The following EIF3E variants were observed in gnomAD, a reference collection of about 807,000 sequenced individuals.
EIF3E encodes the protein eIF-3 p48.
A neutral mutation model predicts 59.3 loss-of-function variants in EIF3E; 25 were observed. That is an observed-to-expected ratio of 0.42 (90% CI 0.31 to 0.59). The LOEUF is 0.59. Ranked by LOEUF, EIF3E falls within the 20% of genes least tolerant of loss-of-function variation. EIF3E has a pLI of 0.15. For synonymous variants in EIF3E, 176 were observed against 170.2 expected (o/e 1.03, Z -0.26); for missense variants, 317 against 534.3 (o/e 0.59, Z 4.01).
chr8:108,241,725 T>C (rs1213580277), intron 2 of EIF3E, 74 bp downstream of exon 2: 1 of 873,672 alleles, frequency 1.1e-6, no homozygotes, highest in East Asian at 2.7e-5. Flanking sequence ...TAAAGCTGTC[T>C]TATAAATCAT....
chr8:108,235,464 A>G (rs1034587521), intron 4 of EIF3E, among the ~76,000 whole-genome samples: 1 of 152,224 alleles, frequency 6.6e-6, no homozygotes, highest in African/African-American at 2.4e-5. Flanking sequence ...TCGTGCTCCT[A>G]TGAAAATCTA....
intron 7 of EIF3E, among the ~76,000 whole-genome samples, chr8:108,220,654 C>T (rs2129875898): frequency 6.6e-6 from 1 of 152,344 alleles, no homozygotes; most frequent in East Asian, 1.9e-4. Flanking sequence ...CAGAGCCATT[C>T]AGTGTTTGAT....
chr8:108,217,394 T>C lies in EIF3E; in HGVS notation c.789A>G (p.Thr263=), dbSNP rs1211701462. Residue 263 remains threonine, a synonymous_variant, in exon 8 of 13, where the codon ACA becomes ACG. Transcript: ENST00000220849. ...GCCGACGTTTTCGAACATCCTTGTT[T>C]GTTATGACTGCTGTAGTCAAATAGC... is the stretch of plus-strand genomic sequence containing the variant. ...ILRYLTTAVI[T]NKDVRKRRQV... 1 of 1,602,938 alleles carries C rather than the reference T, an allele frequency of 6.2e-7. No individual in the cohort carries two copies. The highest frequency in any genetic ancestry group is 8.5e-7 in the Non-Finnish European group (1 of 1,174,652).
intron 7 of EIF3E, among the ~76,000 whole-genome samples, chr8:108,220,175 A>T (rs1214938212): frequency 6.6e-6 from 1 of 152,160 alleles, no homozygotes; most frequent in Non-Finnish European, 1.5e-5. Context: ...ATGTAAAAAC[A>T]TGCACAGGCA....
At chr8:108,246,282 TG>T (rs1297236751) in intron 1 of EIF3E, among the ~76,000 whole-genome samples, 3 of 34,034 alleles carry the variant, frequency 8.8e-5, no homozygotes, top group Admixed American at 6.3e-4. Flanking sequence ...GCTAAGGGGG[TG>T]TGGGGGGGGG....
At chr8:108,205,698 A>G (rs1378213089) in intron 10 of EIF3E, among the ~76,000 whole-genome samples, 1 of 152,210 alleles carries the variant, frequency 6.6e-6, no homozygotes, top group Non-Finnish European at 1.5e-5. Flanking sequence ...TCGACACTGT[A>G]TACGCTACCC....
intron 1 of EIF3E, among the ~76,000 whole-genome samples, chr8:108,246,782 T>C (rs890689161): frequency 6.6e-6 from 1 of 152,218 alleles, no homozygotes; most frequent in Non-Finnish European, 1.5e-5. Context: ...CATGATGATG[T>C]ACTTCCACTT....
At chr8:108,242,795 G>A (rs763350299) in intron 1 of EIF3E, 6 of 427,100 alleles carry the variant, frequency 1.4e-5, no homozygotes, top group Non-Finnish European at 1.9e-5. Context: ...ACATGAAAAG[G>A]TTCTCAACGT....
At chr8:108,243,777 T>C (rs960711085) in intron 1 of EIF3E, among the ~76,000 whole-genome samples, 2 of 152,278 alleles carry the variant, frequency 1.3e-5, no homozygotes, top group Non-Finnish European at 2.9e-5. Flanking sequence ...TGTACTTGTA[T>C]GAATGAACGT....
chr8:108,205,592 A>G (rs941126037), intron 10 of EIF3E, among the ~76,000 whole-genome samples: 4 of 152,198 alleles, frequency 2.6e-5, no homozygotes, highest in Non-Finnish European at 5.9e-5. Flanking sequence ...AACAATTGAT[A>G]AGCTTTAAAT....
chr8:108,214,129 C>T (rs1451862643), intron 10 of EIF3E, among the ~76,000 whole-genome samples: 1 of 152,050 alleles, frequency 6.6e-6, no homozygotes, highest in Non-Finnish European at 1.5e-5. Flanking sequence ...ATAATTTTTC[C>T]ATCTTTCAAC....
At position 108,236,195 on chromosome 8, in the gene EIF3E, C is replaced by T. The variant is rs1346006285; in HGVS notation, c.332G>A (p.Arg111Lys). Residue 111 changes from arginine to lysine, a missense_variant, in exon 4 of 13, where the codon AGG (arginine) becomes AAG (lysine). Coordinates refer to ENST00000220849, the MANE Select transcript of EIF3E (RefSeq NM_001568.3). ...GTCCGCCAGGTAGTCAAAGAGCATC[C>T]TACCATCCCTAAATAATAAAAAACA... ...TRQMQSTRDG[R>K]MLFDYLADKH... 6.2e-7 allele frequency: 1 copy of T among 1,609,712 alleles called. No individual in the cohort carries two copies. The highest frequency in any genetic ancestry group is 1.3e-5 in the African/African-American group (1 of 74,722).
intron 5 of EIF3E, among the ~76,000 whole-genome samples, chr8:108,229,630 CA>C (rs1391975778): frequency 6.6e-6 from 1 of 151,910 alleles, no homozygotes; most frequent in Admixed American, 6.6e-5. Flanking sequence ...TGTACAGAAC[CA>C]AAAAATATTT....
chr8:108,217,223 C>T, intron 8 of EIF3E, 111 bp downstream of exon 8: 1 of 842,510 alleles, frequency 1.2e-6, no homozygotes, highest in Non-Finnish European at 1.7e-6. Flanking sequence ...TTCCTTCCAC[C>T]TATTTTTAAA....
rs1350287800 is a variant in EIF3E at position 108,214,718 on chromosome 8, T to A, written c.952-2A>T. The A allele has an allele frequency of 4.4e-6, 7 of 1,601,594 alleles. No homozygotes were observed. Among genetic ancestry groups the A allele is most frequent in the Non-Finnish European group, 5.9e-6 (7 of 1,177,332 alleles). Reference sequence around the variant, plus strand: ...CAAGAAGAAGTCATTCACAAGCACCTATATGTACAAATACAACAAAAATTA... The same window carrying A: ...CAAGAAGAAGTCATTCACAAGCACCAATATGTACAAATACAACAAAAATTA... On this transcript the variant is annotated splice_acceptor_variant, in intron 9 of 12. Transcript: ENST00000220849. LOFTEE classifies it high-confidence loss of function.
intron 9 of EIF3E, among the ~76,000 whole-genome samples, 199 bp downstream of exon 9, chr8:108,216,213 C>T (rs1393276189): frequency 6.6e-6 from 1 of 152,172 alleles, no homozygotes; most frequent in African/African-American, 2.4e-5. Context: ...AGCACATTCC[C>T]ATTTTAAGAT....
intron 3 of EIF3E, among the ~76,000 whole-genome samples, chr8:108,238,096 A>G (rs1226576369): frequency 6.6e-6 from 1 of 152,214 alleles, no homozygotes. Context: ...TGACTAAACT[A>G]CAGCATCCTA....
chr8:108,240,303 T>C (rs946236159), intron 2 of EIF3E, among the ~76,000 whole-genome samples: 2 of 152,112 alleles, frequency 1.3e-5, no homozygotes, highest in South Asian at 2.1e-4. Context: ...CTCTTCCTAC[T>C]CTTGAGGGAA....
intron 10 of EIF3E, among the ~76,000 whole-genome samples, chr8:108,214,002 G>A (rs1460829777): frequency 6.6e-6 from 1 of 152,154 alleles, no homozygotes; most frequent in Non-Finnish European, 1.5e-5. Context: ...TGCCCAAAGG[G>A]CACTAGTCAT....
Sources: gnomAD v4.1 joint callset for allele counts (sites outside exome capture counted in the v4.1 genomes callset) on GRCh38, gnomAD v4.1.1 for gene constraint, MANE v1.5 for transcripts, NCBI Gene and HGNC (gene_info 2026-07-23, HGNC 2026-07-21) for gene names.